SLC24A3: variants seen among roughly 807,000 people sequenced by gnomAD.
The protein encoded by SLC24A3 is solute carrier family 24 member 3.
A neutral mutation model predicts 75.8 loss-of-function variants in SLC24A3; 28 were observed. The ratio of observed to expected loss-of-function variants is 0.37; its 90% confidence interval spans 0.27 to 0.51. SLC24A3 has a LOEUF of 0.51. Among genes scored for constraint, SLC24A3 ranks in the 20% least tolerant of loss-of-function variants. SLC24A3 has a pLI of 0.94. For synonymous variants in SLC24A3, 372 were observed against 334.1 expected, an observed-to-expected ratio of 1.11 and a Z score of -1.24; for missense variants, 663 against 847.8, an observed-to-expected ratio of 0.78 and a Z score of 2.71.
At chr20:19,292,848 AGT>A (rs1427235121) in intron 2 of SLC24A3, among the ~76,000 whole-genome samples, 1 of 152,232 alleles carries the variant, frequency 6.6e-6, no homozygotes, top group Non-Finnish European at 1.5e-5. Flanking sequence ...TGGCAGATTC[AGT>A]GTCTGGTGAG....
intron 2 of SLC24A3, among the ~76,000 whole-genome samples, chr20:19,424,739 CAACAACAAAAAAAAAAAAAAA>C (rs1986972748): frequency 1.9e-4 from 1 of 5,228 alleles, no homozygotes; most frequent in Non-Finnish European, 4.5e-4. Context: ...AAAAAAAAAA[CAACAACAAAAAAAAAAAAAAA>C]AAAAAAAAAA....
intron 2 of SLC24A3, among the ~76,000 whole-genome samples, chr20:19,492,135 A>T (rs1988218338): frequency 6.6e-6 from 1 of 152,202 alleles, no homozygotes; most frequent in Non-Finnish European, 1.5e-5. Flanking sequence ...TTTTGATAGG[A>T]AACTTTGCAA....
At chr20:19,369,772 C>G (rs1238201998) in intron 2 of SLC24A3, among the ~76,000 whole-genome samples, 1 of 152,136 alleles carries the variant, frequency 6.6e-6, no homozygotes, top group African/African-American at 2.4e-5. Flanking sequence ...TACAGGGGCA[C>G]AATACCTGTA....
At chr20:19,506,852 G>A (rs914796182) in intron 2 of SLC24A3, among the ~76,000 whole-genome samples, 1 of 152,170 alleles carries the variant, frequency 6.6e-6, no homozygotes, top group African/African-American at 2.4e-5. Flanking sequence ...TTTTGACACA[G>A]TATTGATTTA....
intron 2 of SLC24A3, among the ~76,000 whole-genome samples, chr20:19,456,581 G>T (rs754344231): frequency 6.6e-6 from 1 of 152,178 alleles, no homozygotes; most frequent in Non-Finnish European, 1.5e-5. Flanking sequence ...GTCTTTATTG[G>T]CAGCGTGAAA....
At chr20:19,697,793 G>C (rs1280025918) in intron 14 of SLC24A3, among the ~76,000 whole-genome samples, 1 of 152,230 alleles carries the variant, frequency 6.6e-6, no homozygotes, top group Non-Finnish European at 1.5e-5. Context: ...GCAGTTGGAA[G>C]ATGACCCAGT....
chr20:19,425,545 G>A (rs559372886), intron 2 of SLC24A3, among the ~76,000 whole-genome samples: 72 of 152,258 alleles, frequency 4.7e-4, no homozygotes, highest in African/African-American at 1.6e-3. Flanking sequence ...TGGCCTTCCC[G>A]TTGCATCGGT....
chr20:19,392,498 G>C (rs745636948), intron 2 of SLC24A3, among the ~76,000 whole-genome samples: 10 of 152,206 alleles, frequency 6.6e-5, no homozygotes, highest in Non-Finnish European at 1.3e-4. Flanking sequence ...TAGCTTGGCT[G>C]TGAGCTTTGC....
intron 2 of SLC24A3, among the ~76,000 whole-genome samples, chr20:19,443,231 A>T (rs950028232): frequency 2.0e-5 from 3 of 152,156 alleles, no homozygotes; most frequent in Non-Finnish European, 2.9e-5. Flanking sequence ...TTGCTATGAT[A>T]TTGATTTTAG....
chr20:19,612,607 A>AGTGCGTGTGTGT (rs1956811733), intron 6 of SLC24A3, among the ~76,000 whole-genome samples: 3 of 146,832 alleles, frequency 2.0e-5, no homozygotes, highest in African/African-American at 7.6e-5. Flanking sequence ...CCTTAAGAAA[A>AGTGCGTGTGTGT]GTGTGTGTGT....
chr20:19,398,492 C>A (rs1252268196), intron 2 of SLC24A3, among the ~76,000 whole-genome samples: 1 of 152,072 alleles, frequency 6.6e-6, no homozygotes, highest in African/African-American at 2.4e-5. Flanking sequence ...TCATTGTTAG[C>A]ATTTAAAAAT....
intron 2 of SLC24A3, among the ~76,000 whole-genome samples, chr20:19,396,409 G>C (rs1986454778): frequency 6.6e-6 from 1 of 152,138 alleles, no homozygotes; most frequent in African/African-American, 2.4e-5. Context: ...TCAACATGAA[G>C]TCAATATACA....
intron 3 of SLC24A3, among the ~76,000 whole-genome samples, chr20:19,566,789 G>C (rs189963686): frequency 6.6e-6 from 1 of 152,184 alleles, no homozygotes; most frequent in Non-Finnish European, 1.5e-5. Flanking sequence ...AAACATTTCT[G>C]CTTCTCCATC....
intron 9 of SLC24A3, among the ~76,000 whole-genome samples, chr20:19,680,142 CTGTGTGTGTCTG>C (rs1268226472): frequency 1.4e-5 from 2 of 143,250 alleles, no homozygotes; most frequent in Non-Finnish European, 3.0e-5. Flanking sequence ...GTGTGTGTCT[CTGTGTGTGTCTG>C]TGTGTGTCTG....
At chr20:19,335,406 G>A (rs1242603630) in intron 2 of SLC24A3, among the ~76,000 whole-genome samples, 2 of 152,030 alleles carry the variant, frequency 1.3e-5, no homozygotes, top group Non-Finnish European at 2.9e-5. Flanking sequence ...CAGTTTTTTC[G>A]AGGACCACTG....
rs369898088 is a variant in SLC24A3 at position 19,329,155 on chromosome 20, A to AT, written c.271+48070dup. On this transcript the variant is annotated intron_variant, in intron 2 of 16. Transcript: ENST00000328041. ...AGGGGAAGGATTGGAAGCAAAGCAG[A>AT]TTGATAACTCTTTTTAGTTTTGCTA... Among the ~76,000 whole-genome samples, 254 of 152,286 alleles carry AT rather than the reference A, an allele frequency of 1.7e-3. 3 individuals are homozygous for AT. The highest frequency in any genetic ancestry group is 5.4e-3 in the African/African-American group (225 of 41,554).
At chr20:19,560,066 G>T (rs527413198) in intron 3 of SLC24A3, among the ~76,000 whole-genome samples, 50 of 152,250 alleles carry the variant, frequency 3.3e-4, no homozygotes, top group Admixed American at 1.9e-3. Context: ...CAGTTCATGA[G>T]ATACAAGCCC....
At chr20:19,288,101 A>G (rs561341013) in intron 2 of SLC24A3, among the ~76,000 whole-genome samples, 42 of 152,372 alleles carry the variant, frequency 2.8e-4, no homozygotes, top group African/African-American at 9.6e-4. Context: ...CAGGCACATT[A>G]GAACTTTGTG....
intron 6 of SLC24A3, among the ~76,000 whole-genome samples, chr20:19,611,907 G>T (rs1019819135): frequency 6.6e-6 from 1 of 152,090 alleles, no homozygotes; most frequent in Admixed American, 6.5e-5. Context: ...GTTGCTTCCC[G>T]CAGCCTCCAG....
Sources: gnomAD v4.1 joint callset for allele counts (sites outside exome capture counted in the v4.1 genomes callset) on GRCh38, gnomAD v4.1.1 for gene constraint, MANE v1.5 for transcripts, NCBI Gene and HGNC (gene_info 2026-07-23, HGNC 2026-07-21) for gene names.